The following SLC35F1 variants were observed in gnomAD, a reference collection of about 807,000 sequenced individuals.
The protein encoded by SLC35F1 is solute carrier family 35 member F1.
In SLC35F1, 14 loss-of-function variants were observed where a neutral mutation model predicts 48.7. The observed-to-expected ratio is 0.29, with a 90% CI of 0.19 to 0.45. SLC35F1 has a LOEUF of 0.45. Among genes scored for constraint, SLC35F1 ranks in the 20% least tolerant of loss-of-function variants. The pLI is 1.00. For missense variants in SLC35F1, 404 were observed against 500.0 expected (o/e 0.81, Z 1.83); for synonymous variants, 190 against 202.2 (o/e 0.94, Z 0.51).
intron 3 of SLC35F1, among the ~76,000 whole-genome samples, chr6:118,250,136 T>C (rs1156365313): frequency 2.0e-5 from 3 of 152,224 alleles, no homozygotes; most frequent in African/African-American, 2.4e-5. Flanking sequence ...TCAACTGTCA[T>C]CTTTTCAGTG....
intron 1 of SLC35F1, among the ~76,000 whole-genome samples, chr6:118,031,965 T>G (rs915075344): frequency 6.6e-6 from 1 of 152,096 alleles, no homozygotes; most frequent in South Asian, 2.1e-4. Flanking sequence ...TCAATTTGGT[T>G]TGGTATTCAA....
intron 3 of SLC35F1, among the ~76,000 whole-genome samples, chr6:118,240,521 G>C (rs1314680110): frequency 1.3e-5 from 2 of 152,212 alleles, no homozygotes; most frequent in Non-Finnish European, 2.9e-5. Flanking sequence ...GAATGTATAT[G>C]TAAGCAAAAA....
chr6:118,100,177 C>G (rs1773236111), intron 1 of SLC35F1, among the ~76,000 whole-genome samples: 2 of 152,150 alleles, frequency 1.3e-5, no homozygotes, highest in African/African-American at 4.8e-5. Flanking sequence ...CCAAGGCAGT[C>G]TGGTGCCAAA....
intron 1 of SLC35F1, chr6:117,998,885 C>T (rs894962753): frequency 1.8e-5 from 12 of 672,192 alleles, no homozygotes; most frequent in Non-Finnish European, 2.9e-5. Flanking sequence ...CAAGAGCAAA[C>T]ACATTCAAAA....
At chr6:118,039,801 TTTTTTTG>T (rs938087899) in intron 1 of SLC35F1, among the ~76,000 whole-genome samples, 4 of 145,418 alleles carry the variant, frequency 2.8e-5, no homozygotes, top group Admixed American at 6.9e-5. Context: ...TCAGGATTGT[TTTTTTTG>T]TTTTTTTTTT....
rs1260228384 is a variant in SLC35F1, at chr6:118,315,871, A to T, written c.*1619A>T. On this transcript the variant is annotated 3_prime_UTR_variant, in exon 8 of 8. Transcript: ENST00000360388. ...CACAGGAAATTAAGAAACACCACAGACCTCTATTATTTAGAATAGATTCTA... is the reference window on the plus strand; with the variant it reads ...CACAGGAAATTAAGAAACACCACAGTCCTCTATTATTTAGAATAGATTCTA... 2 of 151,944 alleles carry T rather than the reference A, an allele frequency of 1.3e-5. No individual in the cohort carries two copies. The highest frequency in any genetic ancestry group is 2.9e-5 in the Non-Finnish European group (2 of 67,978). The allele number at this position is 151,944 out of a possible 1,614,324, so 9.4% of individuals were successfully genotyped here.
chr6:118,228,282 A>T (rs981279646), intron 2 of SLC35F1, among the ~76,000 whole-genome samples: 3 of 152,244 alleles, frequency 2.0e-5, no homozygotes, highest in African/African-American at 7.2e-5. Context: ...TAATTAGGAC[A>T]TTAATTTTGT....
At chr6:118,002,882 A>C (rs564616280) in intron 1 of SLC35F1, among the ~76,000 whole-genome samples, 2 of 152,080 alleles carry the variant, frequency 1.3e-5, no homozygotes, top group Non-Finnish European at 2.9e-5. Context: ...ATAGAACTCC[A>C]ACCATGCTAT....
intron 2 of SLC35F1, among the ~76,000 whole-genome samples, chr6:118,195,190 C>A (rs1774784901): frequency 1.3e-5 from 2 of 152,132 alleles, no homozygotes; most frequent in African/African-American, 2.4e-5. Context: ...GTAAAATGTA[C>A]CCCCATTACT....
At chr6:117,954,294 T>C (rs559447474) in intron 1 of SLC35F1, among the ~76,000 whole-genome samples, 1 of 152,264 alleles carries the variant, frequency 6.6e-6, no homozygotes, top group South Asian at 2.1e-4. Context: ...TCGCTCTTGT[T>C]GCCCAGGCCG....
intron 2 of SLC35F1, among the ~76,000 whole-genome samples, chr6:118,209,233 T>C (rs183968287): frequency 2.0e-5 from 3 of 152,242 alleles, no homozygotes; most frequent in Admixed American, 2.0e-4. Context: ...GGTCTTCATT[T>C]CTGAAGGCTC....
At position 118,036,877 on chromosome 6, in the gene SLC35F1, A is replaced by G. The variant is rs1360618501; in HGVS notation, c.174-117568A>G. On this transcript the variant is annotated intron_variant, in intron 1 of 7. Coordinates refer to ENST00000360388, the MANE Select transcript of SLC35F1 (RefSeq NM_001029858.4). ...TGGCAGGGCTGGATTATTAAAAATCAGGCTGTTCTATCAATTTCTGAAAGA... is the reference window on the plus strand; with the variant it reads ...TGGCAGGGCTGGATTATTAAAAATCGGGCTGTTCTATCAATTTCTGAAAGA... 3.3e-5 allele frequency among the ~76,000 whole-genome samples: 5 copies of G among 152,152 alleles called. No homozygotes were observed. The South Asian group carries it at 1.0e-3, about 32-fold the overall frequency.
intron 2 of SLC35F1, among the ~76,000 whole-genome samples, chr6:118,174,460 T>G (rs1774456554): frequency 1.3e-5 from 2 of 151,936 alleles, no homozygotes; most frequent in Non-Finnish European, 2.9e-5. Flanking sequence ...GGAAAGAATC[T>G]GAATTAGATG....
chr6:118,284,345 G>A lies in SLC35F1; in HGVS notation c.848-839G>A, dbSNP rs528597698. ...TTATTCTTTCAAGGTGGAGAAAAGAGCATTATTTTTTTTTTACATTTGCAT... is the reference window on the plus strand; with the variant it reads ...TTATTCTTTCAAGGTGGAGAAAAGAACATTATTTTTTTTTTACATTTGCAT... On this transcript the variant is annotated intron_variant, in intron 6 of 7. Transcript: ENST00000360388. 1.1e-3 allele frequency among the ~76,000 whole-genome samples: 123 copies of A among 113,088 alleles called. 1 individual carries two copies. The highest frequency in any genetic ancestry group is 1.5e-3 in the South Asian group (5 of 3,440). 74.2% of individuals were successfully genotyped at this position (113,088 alleles called of 152,430 possible). A position where few individuals can be genotyped will look rare whatever the true frequency, so the allele number is the denominator to read the frequency against.
chr6:118,067,791 A>G (rs1413915879), intron 1 of SLC35F1, among the ~76,000 whole-genome samples: 1 of 152,210 alleles, frequency 6.6e-6, no homozygotes, highest in Admixed American at 6.5e-5. Flanking sequence ...AGCAAGCATC[A>G]GAATCACTGG....
intron 2 of SLC35F1, among the ~76,000 whole-genome samples, chr6:118,165,352 A>G (rs553421857): frequency 6.6e-6 from 1 of 152,288 alleles, no homozygotes; most frequent in South Asian, 2.1e-4. Flanking sequence ...ATGGGGAAAA[A>G]TGGTAAGAAA....
chr6:117,929,471 G>GTGTGTGTGTGTGTA (rs1776072874), intron 1 of SLC35F1, among the ~76,000 whole-genome samples: 1 of 151,588 alleles, frequency 6.6e-6, no homozygotes, highest in African/African-American at 2.4e-5. Context: ...GTGTGTGTGT[G>GTGTGTGTGTGTGTA]TGTGTGTGTG....
chr6:118,154,416 TG>T (rs1279629544), intron 1 of SLC35F1, 28 bp from the exon 2 acceptor site: 11 of 1,586,396 alleles, frequency 6.9e-6, no homozygotes, highest in Non-Finnish European at 7.7e-6. Flanking sequence ...TGCTGACCTT[TG>T]CTGTGTTTTT....
intron 2 of SLC35F1, among the ~76,000 whole-genome samples, chr6:118,188,849 G>A (rs113140154): frequency 0.02 from 2,986 of 152,062 alleles, 95 homozygotes; most frequent in African/African-American, 0.066. Context: ...GGCATTTCTC[G>A]GTCATATGAT....
Sources: allele counts gnomAD v4.1 joint callset (sites outside exome capture counted in the v4.1 genomes callset), GRCh38; gene constraint gnomAD v4.1.1; transcripts MANE v1.5; gene names NCBI Gene and HGNC (gene_info 2026-07-23, HGNC 2026-07-21).